Variants in CENPK observed in about 807,000 individuals in gnomAD.
CENPK encodes centromere protein K, also known as SoxLZ/Sox6-binding protein Solt.
A neutral mutation model predicts 40.9 loss-of-function variants in CENPK; 46 were observed. The observed-to-expected ratio is 1.13, with a 90% confidence interval of 0.89 to 1.44. The LOEUF is 1.44. Among genes scored for constraint, CENPK ranks in the 40% most tolerant of loss-of-function variants. The probability of loss-of-function intolerance (pLI) is 0.00; values close to 1 mark genes in which losing one functional copy is unlikely to be tolerated. For missense variants in CENPK, 288 were observed against 303.5 expected (o/e 0.95, Z 0.38); for synonymous variants, 107 against 104.4 (o/e 1.02, Z -0.15).
chr5:65,530,049 C>T (rs923031563), intron 6 of CENPK, among the ~76,000 whole-genome samples: 2 of 151,924 alleles, frequency 1.3e-5, no homozygotes, highest in African/African-American at 4.8e-5. Context: ...ATGATCCACC[C>T]GCCTCAGCCT....
rs1170546418 is a variant in CENPK, at chr5:65,545,342, A to G, written c.242-2494T>C. ...AAAGCGCGCACACACACACACACACACACACACACACACACACACACACAC... is the reference window on the plus strand; with the variant it reads ...AAAGCGCGCACACACACACACACACGCACACACACACACACACACACACAC... On this transcript the variant is annotated intron_variant, in intron 5 of 10. Coordinates refer to ENST00000396679, the MANE Select transcript of CENPK (RefSeq NM_022145.5). Among the ~76,000 whole-genome samples, 60 of 61,750 alleles carry G rather than the reference A, an allele frequency of 9.7e-4. 2 individuals are homozygous for G. The highest frequency in any genetic ancestry group is 8.9e-3 in the Middle Eastern group (1 of 112). 40.5% of individuals were successfully genotyped at this position (61,750 alleles called of 152,430 possible). A position where few individuals can be genotyped will look rare whatever the true frequency, so the allele number is the denominator to read the frequency against.
chr5:65,559,258 A>C (rs999378707), intron 2 of CENPK, among the ~76,000 whole-genome samples: 4 of 152,222 alleles, frequency 2.6e-5, no homozygotes, highest in African/African-American at 9.6e-5. Flanking sequence ...TTCTCCCCCA[A>C]GTTGAGCTAC....
At chr5:65,515,204 A>AAATTTTTTTT (rs35708852), downstream of CENPK, among the ~76,000 whole-genome samples, 3 of 124,066 alleles carry the variant, frequency 2.4e-5, no homozygotes, top group East Asian at 2.8e-4. Context: ...TCTCAAAAAA[A>AAATTTTTTTT]TTTTTTTTTT....
At chr5:65,531,822 A>C (rs1745902040) in intron 6 of CENPK, among the ~76,000 whole-genome samples, 1 of 152,200 alleles carries the variant, frequency 6.6e-6, no homozygotes, top group Non-Finnish European at 1.5e-5. Context: ...TTTTAAAAGA[A>C]AAGAAAGCTC....
chr5:65,545,922 T>C (rs1338029757), intron 5 of CENPK, among the ~76,000 whole-genome samples: 1 of 152,192 alleles, frequency 6.6e-6, no homozygotes, highest in Non-Finnish European at 1.5e-5. Context: ...TAAATGTATG[T>C]TATATAAAGC....
the CENPK span, among the ~76,000 whole-genome samples, chr5:65,502,970 T>C: frequency 6.6e-6 from 1 of 151,856 alleles, no homozygotes; most frequent in African/African-American, 2.4e-5. Flanking sequence ...GGCTAATTTT[T>C]GTATTTTTAG....
chr5:65,545,359 C>T (rs1748726990), intron 5 of CENPK, among the ~76,000 whole-genome samples: 1 of 150,494 alleles, frequency 6.6e-6, no homozygotes, highest in Non-Finnish European at 1.5e-5. Flanking sequence ...CACACACACA[C>T]ACACACACAC....
At chr5:65,498,299 T>C in the CENPK span, among the ~76,000 whole-genome samples, 1 of 152,134 alleles carries the variant, frequency 6.6e-6, no homozygotes, top group African/African-American at 2.4e-5. Context: ...ATCTAGGGAT[T>C]GAGGGCATAT....
At chr5:65,525,338 C>T (rs1213747906) in intron 9 of CENPK, among the ~76,000 whole-genome samples, 18 of 151,704 alleles carry the variant, frequency 1.2e-4, no homozygotes, top group Non-Finnish European at 2.9e-5. Context: ...TGTACTCCAG[C>T]CTGGGTAACA....
the CENPK span, among the ~76,000 whole-genome samples, chr5:65,503,147 GTC>G: frequency 1.5e-5 from 2 of 130,038 alleles, no homozygotes; most frequent in Non-Finnish European, 3.1e-5. Context: ...GTCTCACTCT[GTC>G]TCCTAGGCTG....
the CENPK span, among the ~76,000 whole-genome samples, chr5:65,503,260 C>T: frequency 1.3e-5 from 2 of 152,006 alleles, no homozygotes; most frequent in African/African-American, 4.8e-5. Flanking sequence ...GCACACACCA[C>T]CATGCCCAGC....
intron 2 of CENPK, among the ~76,000 whole-genome samples, chr5:65,558,481 T>C (rs1056643196): frequency 6.6e-6 from 1 of 152,236 alleles, no homozygotes; most frequent in African/African-American, 2.4e-5. Context: ...GTAGAAATTC[T>C]ATGTGGATTG....
intron 3 of CENPK, among the ~76,000 whole-genome samples, chr5:65,553,483 C>A (rs917278707): frequency 6.6e-6 from 1 of 152,176 alleles, no homozygotes; most frequent in Non-Finnish European, 1.5e-5. Flanking sequence ...CACCAACATA[C>A]TCTAGTGTAC....
At chr5:65,539,819 T>A (rs944255628) in intron 6 of CENPK, among the ~76,000 whole-genome samples, 1 of 152,236 alleles carries the variant, frequency 6.6e-6, no homozygotes, top group Non-Finnish European at 1.5e-5. Context: ...GCTTGCACTT[T>A]CTGCACCCTG....
chr5:65,507,206 A>C, the CENPK span, among the ~76,000 whole-genome samples: 30 of 152,284 alleles, frequency 2.0e-4, no homozygotes, highest in Middle Eastern at 3.4e-3. Context: ...AGTAATATCC[A>C]CCAGAACAAG....
At chr5:65,539,918 A>C (rs1021789725) in intron 6 of CENPK, among the ~76,000 whole-genome samples, 1 of 152,208 alleles carries the variant, frequency 6.6e-6, no homozygotes, top group African/African-American at 2.4e-5. Flanking sequence ...ACTGATGAAC[A>C]CAGTCTAAGT....
chr5:65,496,864 C>T, the CENPK span, among the ~76,000 whole-genome samples: 1 of 147,976 alleles, frequency 6.8e-6, no homozygotes, highest in Admixed American at 6.7e-5. Flanking sequence ...CCAGCCTGGC[C>T]AAGATGGTGA....
At chr5:65,547,725 C>T (rs1485537208) in intron 5 of CENPK, among the ~76,000 whole-genome samples, 2 of 152,094 alleles carry the variant, frequency 1.3e-5, no homozygotes, top group South Asian at 4.1e-4. Context: ...AGTGCAGTGG[C>T]ATGATCTCGG....
At chr5:65,495,725 G>C in the CENPK span, among the ~76,000 whole-genome samples, 2 of 151,668 alleles carry the variant, frequency 1.3e-5, no homozygotes, top group African/African-American at 2.4e-5. Context: ...AACGATCAAG[G>C]AAACAAAAAA....
Sources: gnomAD v4.1 joint callset for allele counts (sites outside exome capture counted in the v4.1 genomes callset) on GRCh38, gnomAD v4.1.1 for gene constraint, MANE v1.5 for transcripts, NCBI Gene and HGNC (gene_info 2026-07-23, HGNC 2026-07-21) for gene names.